Variants in TBC1D1 observed in about 807,000 individuals in gnomAD.
TBC1D1 encodes TBC1 domain family member 1, also known as TBC1 (tre-2/USP6, BUB2, cdc16) domain family, member 1.
A neutral mutation model predicts 125.6 loss-of-function variants in TBC1D1; 89 were observed. The ratio of observed to expected loss-of-function variants is 0.71; its 90% confidence interval spans 0.60 to 0.85. The LOEUF (loss-of-function observed/expected upper bound fraction) is 0.85, where lower values mean the gene tolerates loss of function less well. Among genes scored for constraint, TBC1D1 ranks in the 40% least tolerant of loss-of-function variants. TBC1D1 has a pLI of 0.00. For missense variants in TBC1D1, 1,377 were observed against 1,469.2 expected (o/e 0.94, Z 1.03); for synonymous variants, 565 against 564.1 (o/e 1.00, Z -0.02).
In TBC1D1 at chr4:38,014,671, G is replaced by C; in HGVS notation, c.580G>C (p.Asp194His). 6.2e-7 allele frequency: 1 copy of C among 1,613,200 alleles called. No individual in the cohort carries two copies. The highest frequency in any genetic ancestry group is 8.5e-7 in the Non-Finnish European group (1 of 1,180,024). The change falls in exon 3 of 20, where the codon GAC becomes CAC. Residue 194 changes from aspartate (D) to histidine (H), a missense_variant. Around this residue, in one of 3 missense-constraint regions of TBC1D1, gnomAD observed 822 missense variants for 824.6 expected, o/e 1.00. Coordinates refer to ENST00000261439, the MANE Select transcript of TBC1D1 (RefSeq NM_015173.4). This position sits in a 1 kb window ranked among gnomAD's most constrained non-coding sequence, Gnocchi z 5.1. The stretch of plus-strand genomic sequence containing the variant: ...CAAGAAGGCTCCGCCGGCCCTGATC[G>C]ACGAGTGCATCGAGAAGTTCAATCA...
At chr4:37,993,530 C>T (rs1737100458) in intron 2 of TBC1D1, among the ~76,000 whole-genome samples, 1 of 152,116 alleles carries the variant, frequency 6.6e-6, no homozygotes. Flanking sequence ...GTCACTGAAG[C>T]CCCTCAACAT....
At chr4:37,973,867 G>A (rs535663187) in intron 2 of TBC1D1, among the ~76,000 whole-genome samples, 3 of 152,298 alleles carry the variant, frequency 2.0e-5, no homozygotes, top group African/African-American at 7.2e-5. Flanking sequence ...GAGTATACCA[G>A]TCACCTGGAA....
At chr4:38,125,618 T>A (rs948793897) in intron 18 of TBC1D1, among the ~76,000 whole-genome samples, 2 of 152,214 alleles carry the variant, frequency 1.3e-5, no homozygotes, top group African/African-American at 4.8e-5. Context: ...GGTTTTTTTT[T>A]AACTGAATTC....
At chr4:38,076,505 A>G (rs1254174481) in intron 12 of TBC1D1, among the ~76,000 whole-genome samples, 1 of 152,178 alleles carries the variant, frequency 6.6e-6, no homozygotes, top group East Asian at 1.9e-4. Context: ...CTACTTGGGC[A>G]TGCTTAGGCA....
intron 2 of TBC1D1, among the ~76,000 whole-genome samples, chr4:37,942,467 A>G (rs781374388): frequency 1.3e-5 from 2 of 150,666 alleles, no homozygotes; most frequent in Non-Finnish European, 3.0e-5. Flanking sequence ...ATGGGTCTTG[A>G]CTCTTTATCC....
At chr4:38,053,288 A>G (rs1407487218) in intron 11 of TBC1D1, 63 bp downstream of exon 13, 1 of 1,205,510 alleles carries the variant, frequency 8.3e-7, no homozygotes, top group East Asian at 3.2e-5. Context: ...CATTAGATAT[A>G]CAAGGGTGTT....
intron 14 of TBC1D1, among the ~76,000 whole-genome samples, chr4:38,097,634 G>C (rs1759590451): frequency 6.6e-6 from 1 of 151,660 alleles, no homozygotes; most frequent in Admixed American, 6.6e-5. Context: ...GAGCCACCGT[G>C]CCCGGCCAAT....
chr4:38,115,213 G>A (rs534573383), intron 15 of TBC1D1, among the ~76,000 whole-genome samples: 1 of 149,920 alleles, frequency 6.7e-6, no homozygotes, highest in African/African-American at 2.5e-5. Context: ...CAATTCTCCT[G>A]CCTCAGCCTC....
chr4:38,061,843 TTGAAACATGATTTACATGTTTTACA>T (rs1352378826), intron 12 of TBC1D1, among the ~76,000 whole-genome samples: 8 of 152,248 alleles, frequency 5.3e-5, no homozygotes, highest in Admixed American at 1.3e-4. Context: ...AGGAACTGAT[TTGAAACATGATTTACATGTTTTACA>T]TGAAACATGA....
intron 12 of TBC1D1, among the ~76,000 whole-genome samples, chr4:38,057,561 C>G (rs1751956248): frequency 1.3e-5 from 2 of 152,224 alleles, no homozygotes; most frequent in African/African-American, 4.8e-5. Flanking sequence ...TATCTCTTCT[C>G]AGAACCAAGC....
intron 2 of TBC1D1, among the ~76,000 whole-genome samples, chr4:37,981,692 G>T (rs1232609260): frequency 1.3e-5 from 2 of 152,192 alleles, no homozygotes; most frequent in African/African-American, 4.8e-5. Flanking sequence ...TGGGTGCACA[G>T]CACTGAGCTT....
intron 7 of TBC1D1, among the ~76,000 whole-genome samples, chr4:38,031,767 G>A (rs1746189913): frequency 6.6e-6 from 1 of 152,192 alleles, no homozygotes; most frequent in Non-Finnish European, 1.5e-5. Context: ...AGCTGGGACT[G>A]CAGGTACATG....
At chr4:37,896,990 G>A (rs920675355) in intron 1 of TBC1D1, among the ~76,000 whole-genome samples, 1 of 152,220 alleles carries the variant, frequency 6.6e-6, no homozygotes, top group African/African-American at 2.4e-5. Context: ...CAGGTTTGCT[G>A]TAGAGGGATA....
intron 2 of TBC1D1, among the ~76,000 whole-genome samples, chr4:37,918,079 C>A (rs1053653672): frequency 1.3e-5 from 2 of 152,118 alleles, no homozygotes; most frequent in African/African-American, 2.4e-5. Context: ...GAGGGATTCA[C>A]AGCTTAAAAA....
intron 10 of TBC1D1, among the ~76,000 whole-genome samples, chr4:38,047,082 CAA>C (rs1749634886): frequency 6.6e-6 from 1 of 152,168 alleles, no homozygotes; most frequent in Admixed American, 6.5e-5. Flanking sequence ...GTTCACAAAA[CAA>C]TATTTACTGT....
chr4:37,898,343 T>A (rs1362618743), intron 1 of TBC1D1, among the ~76,000 whole-genome samples: 3 of 137,240 alleles, frequency 2.2e-5, no homozygotes, highest in Admixed American at 1.5e-4. Context: ...AGGACTTAAG[T>A]ACTAGTTGGA....
intron 8 of TBC1D1, among the ~76,000 whole-genome samples, chr4:38,043,315 C>T (rs906494770): frequency 2.6e-5 from 4 of 151,440 alleles, no homozygotes; most frequent in Admixed American, 1.3e-4. Context: ...AATGTACCTT[C>T]GGCTGGGTGT....
intron 2 of TBC1D1, among the ~76,000 whole-genome samples, chr4:37,920,783 C>A (rs1720776540): frequency 6.6e-6 from 1 of 152,030 alleles, no homozygotes; most frequent in African/African-American, 2.4e-5. Context: ...CCTATGGGAC[C>A]GCATTGTCCC....
At chr4:38,112,122 A>T in intron 15 of TBC1D1, 3 of 973,118 alleles carry the variant, frequency 3.1e-6, no homozygotes, top group Non-Finnish European at 3.7e-6. Flanking sequence ...GAGATTTGAA[A>T]GTGTGGGGTG....
Sources: gnomAD v4.1 joint callset for allele counts (sites outside exome capture counted in the v4.1 genomes callset) on GRCh38, gnomAD v4.1.1 for gene constraint, gnomAD v4.1.1 regional missense constraint, Gnocchi (gnomAD v3.1) non-coding constraint, MANE v1.5 for transcripts, NCBI Gene and HGNC (gene_info 2026-07-23, HGNC 2026-07-21) for gene names.